Variants in KAT6A observed in about 807,000 individuals in gnomAD.
The protein encoded by KAT6A is histone acetyltransferase KAT6A.
Under a neutral mutation model 198.4 loss-of-function variants are expected in KAT6A, and 9 were observed. The ratio of observed to expected loss-of-function variants is 0.05; its 90% CI spans 0.03 to 0.08. The LOEUF (loss-of-function observed/expected upper bound fraction) is 0.08, where lower values mean the gene tolerates loss of function less well. Among genes scored for constraint, KAT6A ranks in the 10% least tolerant of loss-of-function variants. The probability of loss-of-function intolerance (pLI) is 1.00; values close to 1 mark genes in which losing one functional copy is unlikely to be tolerated. For missense variants in KAT6A, 2,077 were observed against 2,509.9 expected, an observed-to-expected ratio of 0.83 and a Z score of 3.69; for synonymous variants, 890 against 883.0, an observed-to-expected ratio of 1.01 and a Z score of -0.14.
At chr8:42,023,412 ATTTC>A (rs1265573701) in intron 2 of KAT6A, among the ~76,000 whole-genome samples, 1 of 152,150 alleles carries the variant, frequency 6.6e-6, no homozygotes, top group East Asian at 1.9e-4. Flanking sequence ...AAACTTTTTA[ATTTC>A]TTTTACTTTA....
chr8:41,993,646 A>G (rs1033796512), intron 2 of KAT6A, among the ~76,000 whole-genome samples: 7 of 152,204 alleles, frequency 4.6e-5, no homozygotes, highest in Admixed American at 3.9e-4. Flanking sequence ...GGGAAAGAGT[A>G]ACAGTACCTT....
Position 42,051,919 on chromosome 8 carries a change from A to C in KAT6A, c.-344T>G, listed in dbSNP as rs1024671279. On this transcript the variant is annotated 5_prime_UTR_variant, in exon 1 of 17. Transcript: ENST00000265713. ...TACTTACCGGGAGGAAGGACAGCCG[A>C]GATCCCGGGGCCCCGGGCCGGACCG... The C allele has an allele frequency of 6.7e-6, 1 of 149,700 alleles. No individual in the cohort carries two copies. The highest frequency in any genetic ancestry group is 2.5e-5 in the African/African-American group (1 of 40,460). 9.3% of individuals were successfully genotyped at this position (149,700 alleles called of 1,614,324 possible). A position where few individuals can be genotyped will look rare whatever the true frequency, so the allele number is the denominator to read the frequency against.
intron 15 of KAT6A, among the ~76,000 whole-genome samples, chr8:41,938,952 A>AG (rs1167711789): frequency 2.4e-4 from 33 of 135,406 alleles, no homozygotes; most frequent in African/African-American, 7.1e-4. Flanking sequence ...CATCTGGGGA[A>AG]GGAAAAAAAA....
At position 41,934,638 on chromosome 8, in the gene KAT6A, G is replaced by A. The variant is rs1373077129; in HGVS notation, c.3582C>T (p.Ser1194=). 2 of 1,614,000 alleles carry A rather than the reference G, an allele frequency of 1.2e-6. No individual in the cohort carries two copies. Among genetic ancestry groups the A allele is most frequent in the African/African-American group, 1.3e-5 (1 of 74,884 alleles). The change falls in exon 17 of 17, where the codon TCC becomes TCT. Residue 1194 remains serine, a synonymous_variant. Transcript: ENST00000265713. ...TQACVIEPIV[S]IPKAGRKPKI... ...TGGGTTTACGTCCAGCTTTAGGAAT[G>A]GAAACGATGGGCTCAATGACGCATG...
chr8:42,046,649 T>C (rs1802318244), intron 2 of KAT6A, among the ~76,000 whole-genome samples: 1 of 152,362 alleles, frequency 6.6e-6, no homozygotes, highest in Middle Eastern at 3.4e-3. Context: ...GCAGTTAACC[T>C]GTTAGATCAT....
At chr8:41,951,918 C>T (rs1199470380) in intron 9 of KAT6A, among the ~76,000 whole-genome samples, 2 of 152,070 alleles carry the variant, frequency 1.3e-5, no homozygotes, top group Admixed American at 6.5e-5. Flanking sequence ...GCAGCGTAGG[C>T]CCAGTGATTA....
At chr8:42,010,408 T>C (rs1180528057) in intron 2 of KAT6A, among the ~76,000 whole-genome samples, 3 of 152,162 alleles carry the variant, frequency 2.0e-5, no homozygotes, top group East Asian at 1.9e-4. Flanking sequence ...AAAGTAGAAA[T>C]TGGGTTCAGA....
At chr8:42,016,177 CCA>C (rs1826263911) in intron 2 of KAT6A, among the ~76,000 whole-genome samples, 1 of 152,162 alleles carries the variant, frequency 6.6e-6, no homozygotes, top group African/African-American at 2.4e-5. Flanking sequence ...GGTGGGAATT[CCA>C]CAGTTCCTTC....
At chr8:41,991,273 A>C (rs1824933297) in intron 2 of KAT6A, among the ~76,000 whole-genome samples, 1 of 152,220 alleles carries the variant, frequency 6.6e-6, no homozygotes, top group South Asian at 2.1e-4. Flanking sequence ...AAACAGATAA[A>C]CTGTGCTGTA....
chr8:41,955,435 A>G, intron 8 of KAT6A, 24 bp from the exon 9 acceptor site: 1 of 1,440,130 alleles, frequency 6.9e-7, no homozygotes, highest in African/African-American at 1.4e-5. Flanking sequence ...AAATACATTC[A>G]AAAGTTAGCT....
At chr8:41,981,996 C>G (rs1162977304) in intron 3 of KAT6A, 42 bp from the exon 4 acceptor site, 3 of 1,142,288 alleles carry the variant, frequency 2.6e-6, no homozygotes, top group Non-Finnish European at 4.0e-6. Flanking sequence ...CAATCAAGAA[C>G]TATTTTGCTA....
At chr8:42,003,669 C>T (rs1825605588) in intron 2 of KAT6A, among the ~76,000 whole-genome samples, 1 of 152,120 alleles carries the variant, frequency 6.6e-6, no homozygotes, top group Non-Finnish European at 1.5e-5. Context: ...TTGTTACAGG[C>T]TAAATTTTGC....
intron 5 of KAT6A, among the ~76,000 whole-genome samples, chr8:41,980,355 AAACAAC>A (rs147406080): frequency 3.3e-5 from 5 of 152,088 alleles, no homozygotes; most frequent in Admixed American, 1.3e-4. Flanking sequence ...TATTTCATTA[AAACAAC>A]AACAACAACA....
Position 41,929,606 on chromosome 8 carries a change from A to T in KAT6A, c.*2599T>A. Reference sequence around the variant, plus strand: ...AGGAAGGGAGGCCGGCTGGCCCAGGAGCGCGTGACATGGAGAGATACAAAG... The same window carrying T: ...AGGAAGGGAGGCCGGCTGGCCCAGGTGCGCGTGACATGGAGAGATACAAAG... On this transcript the variant is annotated 3_prime_UTR_variant, in exon 17 of 17. Coordinates refer to ENST00000265713, the MANE Select transcript of KAT6A (RefSeq NM_006766.5). The T allele has an allele frequency of 5.2e-6, 1 of 193,552 alleles. No individual in the cohort carries two copies. The highest frequency in any genetic ancestry group is 1.1e-5 in the Non-Finnish European group (1 of 92,622). The allele number at this position is 193,552 out of a possible 1,614,324, so 12.0% of individuals were successfully genotyped here. A position where few individuals can be genotyped will look rare whatever the true frequency, so the allele number is the denominator to read the frequency against.
intron 8 of KAT6A, among the ~76,000 whole-genome samples, chr8:41,956,851 AT>A (rs1192588673): frequency 6.6e-6 from 1 of 152,238 alleles, no homozygotes; most frequent in African/African-American, 2.4e-5. Flanking sequence ...TTGTAAAAAG[AT>A]TTTTTAAAGG....
At chr8:42,027,794 T>C (rs1040580451) in intron 2 of KAT6A, among the ~76,000 whole-genome samples, 4 of 148,086 alleles carry the variant, frequency 2.7e-5, no homozygotes, top group Non-Finnish European at 5.9e-5. Flanking sequence ...CCTGCCTTTA[T>C]TATTTCTTTC....
intron 3 of KAT6A, among the ~76,000 whole-genome samples, chr8:41,985,010 GT>G (rs1047478841): frequency 1.5e-4 from 22 of 151,402 alleles, no homozygotes; most frequent in Non-Finnish European, 2.9e-4. Flanking sequence ...TACCGCTACA[GT>G]AATAGTTTTC....
chr8:41,980,697 C>T (rs1217818464), intron 5 of KAT6A, 149 bp downstream of exon 5: 6 of 650,198 alleles, frequency 9.2e-6, no homozygotes, highest in East Asian at 8.1e-5. Context: ...GACTATCCCC[C>T]CACCTTTTAA....
intron 2 of KAT6A, among the ~76,000 whole-genome samples, chr8:42,035,112 G>A (rs1326345327): frequency 6.6e-6 from 1 of 152,192 alleles, no homozygotes; most frequent in Non-Finnish European, 1.5e-5. Flanking sequence ...CTCTAACAGA[G>A]GACCTCGAAT....
Sources: allele counts gnomAD v4.1 joint callset (sites outside exome capture counted in the v4.1 genomes callset), GRCh38; gene constraint gnomAD v4.1.1; transcripts MANE v1.5; gene names NCBI Gene and HGNC (gene_info 2026-07-23, HGNC 2026-07-21).